LDLRAD4: variants seen among roughly 807,000 people sequenced by gnomAD.
The protein encoded by LDLRAD4 is low density lipoprotein receptor class A domain containing 4.
A neutral mutation model predicts 17.0 loss-of-function variants in LDLRAD4; 5 were observed. The observed-to-expected ratio is 0.29, with a 90% confidence interval of 0.15 to 0.62. The LOEUF is 0.62. Among genes scored for constraint, LDLRAD4 ranks in the 20% least tolerant of loss-of-function variants. LDLRAD4 has a pLI of 0.84. For synonymous variants in LDLRAD4, 168 were observed against 171.8 expected, an observed-to-expected ratio of 0.98 and a Z score of 0.17; for missense variants, 340 against 424.7, an observed-to-expected ratio of 0.80 and a Z score of 1.75.
chr18:13,443,141 C>T (rs2091142717), intron 3 of LDLRAD4, among the ~76,000 whole-genome samples: 2 of 152,154 alleles, frequency 1.3e-5, no homozygotes, highest in Admixed American at 1.3e-4. Flanking sequence ...CTTTTTCCTC[C>T]CATTGCCATT....
intron 3 of LDLRAD4, among the ~76,000 whole-genome samples, chr18:13,570,091 A>T (rs2094665926): frequency 6.6e-6 from 1 of 152,196 alleles, no homozygotes; most frequent in Admixed American, 6.5e-5. Flanking sequence ...TGACAAAATC[A>T]TTAGGCCTTT....
chr18:13,256,604 G>C (rs2043517349), intron 1 of LDLRAD4, among the ~76,000 whole-genome samples: 1 of 152,256 alleles, frequency 6.6e-6, no homozygotes. Flanking sequence ...CAGCAGGTGT[G>C]TAGGACTGGT....
intron 3 of LDLRAD4, among the ~76,000 whole-genome samples, chr18:13,506,947 C>T (rs746370627): frequency 4.6e-5 from 7 of 152,176 alleles, no homozygotes; most frequent in Non-Finnish European, 7.3e-5. Context: ...AGGAGTACCT[C>T]GCTTTACTGT....
At chr18:13,232,648 G>A (rs761808470) in intron 1 of LDLRAD4, among the ~76,000 whole-genome samples, 6 of 152,156 alleles carry the variant, frequency 3.9e-5, no homozygotes, top group Non-Finnish European at 7.3e-5. Context: ...ATTCACTGTT[G>A]TCTGCAGCTC....
At chr18:13,567,531 G>A (rs570318170) in intron 3 of LDLRAD4, among the ~76,000 whole-genome samples, 2 of 152,236 alleles carry the variant, frequency 1.3e-5, no homozygotes, top group South Asian at 4.1e-4. Flanking sequence ...CCCTCAAGCT[G>A]TTTGAGGCTC....
At chr18:13,422,279 CAGAG>C (rs1366542199) in intron 2 of LDLRAD4, among the ~76,000 whole-genome samples, 1 of 152,124 alleles carries the variant, frequency 6.6e-6, no homozygotes, top group African/African-American at 2.4e-5. Context: ...GAAGACTAGA[CAGAG>C]AGAGATGGTG....
At chr18:13,219,457 C>T (rs1195665683) in intron 1 of LDLRAD4, among the ~76,000 whole-genome samples, 1 of 152,136 alleles carries the variant, frequency 6.6e-6, no homozygotes, top group East Asian at 1.9e-4. Context: ...ATTTTGGCAT[C>T]TTCTCATCCC....
chr18:13,519,559 G>A (rs979531260), intron 3 of LDLRAD4, among the ~76,000 whole-genome samples: 3 of 152,064 alleles, frequency 2.0e-5, no homozygotes, highest in East Asian at 1.9e-4. Flanking sequence ...TCAGGAGTTC[G>A]AGACCAGCCT....
In LDLRAD4 at chr18:13,452,925, G is replaced by A. The variant is rs566209114; in HGVS notation, c.181+14541G>A. ...CCAGGAAGGCCAGAGGCAACGTCCTGGGGCAAGTGAGGGGGACCACGGGGG... is the reference window on the plus strand; with the variant it reads ...CCAGGAAGGCCAGAGGCAACGTCCTAGGGCAAGTGAGGGGGACCACGGGGG... On this transcript the variant is annotated intron_variant, in intron 3 of 5. Transcript: ENST00000359446. Among the ~76,000 whole-genome samples, 4 of 152,268 alleles carry A rather than the reference G, an allele frequency of 2.6e-5. No homozygotes were observed. The South Asian group carries it at 8.3e-4, about 32-fold the overall frequency.
chr18:13,641,723 G>T, intron 4 of LDLRAD4: 1 of 983,460 alleles, frequency 1.0e-6, no homozygotes, highest in Non-Finnish European at 1.2e-6. Flanking sequence ...GGCGTGGGGT[G>T]CGGCAAGGGG....
chr18:13,450,575 T>C lies in LDLRAD4; in HGVS notation c.181+12191T>C, dbSNP rs58521024. 9.4e-3 allele frequency among the ~76,000 whole-genome samples: 1,438 copies of C among 152,312 alleles called. 23 individuals are homozygous for C. Among genetic ancestry groups the C allele is most frequent in the African/African-American group, 0.033 (1,389 of 41,578 alleles). On this transcript the variant is annotated intron_variant, in intron 3 of 5. Coordinates refer to ENST00000359446, the Ensembl canonical transcript of LDLRAD4. ...CGTGAGAGGCATGGGCTGGGCTCTA[T>C]GGGCAGGTGCAGGGCTGCAGGGGCT...
intron 1 of LDLRAD4, among the ~76,000 whole-genome samples, chr18:13,332,955 T>C (rs1220595356): frequency 6.6e-6 from 1 of 152,196 alleles, no homozygotes; most frequent in Non-Finnish European, 1.5e-5. Context: ...CTGGATCATA[T>C]GCTAAGAGTA....
intron 1 of LDLRAD4, among the ~76,000 whole-genome samples, chr18:13,353,318 T>C (rs566805292): frequency 1.9e-4 from 29 of 152,346 alleles, no homozygotes; most frequent in Admixed American, 1.5e-3. Flanking sequence ...AGCTTTGGGA[T>C]AGCTCACTGT....
At chr18:13,304,260 G>T (rs1417457940) in intron 1 of LDLRAD4, among the ~76,000 whole-genome samples, 1 of 152,230 alleles carries the variant, frequency 6.6e-6, no homozygotes, top group African/African-American at 2.4e-5. Flanking sequence ...TGGCTGAAAG[G>T]TGGTTCCTCT....
chr18:13,423,884 C>A (rs139297200), intron 2 of LDLRAD4, among the ~76,000 whole-genome samples: 22 of 152,280 alleles, frequency 1.4e-4, no homozygotes, highest in African/African-American at 5.3e-4. Flanking sequence ...CGTGTAATCC[C>A]AGCACTTTGG....
intron 1 of LDLRAD4, among the ~76,000 whole-genome samples, chr18:13,257,751 G>T (rs1004584897): frequency 6.6e-6 from 1 of 152,226 alleles, no homozygotes; most frequent in Admixed American, 6.5e-5. Flanking sequence ...CTAGCATCTA[G>T]TGGGGAGAGA....
chr18:13,419,436 C>T (rs1182022079), intron 2 of LDLRAD4: 2 of 152,052 alleles, frequency 1.3e-5, no homozygotes, highest in African/African-American at 2.4e-5. Flanking sequence ...CAATCTTGCT[C>T]CTTTGCCCAG....
chr18:13,547,319 G>T (rs2094379375), intron 3 of LDLRAD4, among the ~76,000 whole-genome samples: 1 of 152,200 alleles, frequency 6.6e-6, no homozygotes, highest in African/African-American at 2.4e-5. Context: ...CAAGCTACTT[G>T]AGAGTAAAAA....
intron 1 of LDLRAD4, among the ~76,000 whole-genome samples, chr18:13,386,938 A>AGATAGATAGATG (rs1415406970): frequency 7.8e-6 from 1 of 128,316 alleles, no homozygotes; most frequent in African/African-American, 3.2e-5. Flanking sequence ...ATAGATAGAT[A>AGATAGATAGATG]GATAGATAGA....
Sources: gnomAD v4.1 joint callset for allele counts (sites outside exome capture counted in the v4.1 genomes callset) on GRCh38, gnomAD v4.1.1 for gene constraint, MANE v1.5 for transcripts, NCBI Gene and HGNC (gene_info 2026-07-23, HGNC 2026-07-21) for gene names.